The following NRG1 variants were observed in gnomAD, a reference collection of about 807,000 sequenced individuals.
NRG1 encodes pro-neuregulin-1, membrane-bound isoform.
Under a neutral mutation model 63.8 loss-of-function variants are expected in NRG1, and 18 were observed. The ratio of observed to expected loss-of-function variants is 0.28; its 90% CI spans 0.19 to 0.42. The LOEUF is 0.42. Among genes scored for constraint, NRG1 ranks in the 10% least tolerant of loss-of-function variants. The pLI, the probability that NRG1 is intolerant of heterozygous loss-of-function variation, is 1.00. For synonymous variants in NRG1, 302 were observed against 301.3 expected (o/e 1.00, Z -0.02); for missense variants, 762 against 814.7 (o/e 0.94, Z 0.79).
chr8:32,628,655 G>GA (rs143965414), intron 5 of NRG1, among the ~76,000 whole-genome samples: 2,041 of 151,092 alleles, frequency 0.014, 48 homozygotes, highest in African/African-American at 0.047. Context: ...TCAGCTTAGT[G>GA]AAAAAAATGA....
At chr8:31,959,965 G>GCTAC (rs1346015593) in intron 1 of NRG1, among the ~76,000 whole-genome samples, 7 of 152,008 alleles carry the variant, frequency 4.6e-5, no homozygotes, top group African/African-American at 1.7e-4. Flanking sequence ...CAGATGGGCA[G>GCTAC]CTACCATTTT....
intron 1 of NRG1, among the ~76,000 whole-genome samples, chr8:32,217,876 T>A (rs1845407719): frequency 6.6e-6 from 1 of 152,194 alleles, no homozygotes; most frequent in African/African-American, 2.4e-5. Flanking sequence ...GGCTCTGAAC[T>A]AAGTCTAAAA....
intron 1 of NRG1, among the ~76,000 whole-genome samples, chr8:32,285,491 AG>A (rs1172796039): frequency 6.6e-6 from 1 of 152,218 alleles, no homozygotes; most frequent in African/African-American, 2.4e-5. Context: ...AAGTTTTTGC[AG>A]CTATTGCTGG....
chr8:31,971,855 C>T (rs1319136355), intron 1 of NRG1, among the ~76,000 whole-genome samples: 3 of 152,098 alleles, frequency 2.0e-5, no homozygotes, highest in African/African-American at 7.2e-5. Context: ...CTTCACTTGT[C>T]ATCTCCTTTG....
intron 1 of NRG1, among the ~76,000 whole-genome samples, chr8:31,950,016 T>C (rs1036756115): frequency 1.3e-5 from 2 of 152,220 alleles, no homozygotes; most frequent in Non-Finnish European, 2.9e-5. Flanking sequence ...ATTTTCCCAC[T>C]TTTTCCTTCT....
At chr8:32,721,420 G>A (rs756957707) in intron 5 of NRG1, among the ~76,000 whole-genome samples, 15 of 152,106 alleles carry the variant, frequency 9.9e-5, no homozygotes, top group South Asian at 4.1e-4. Flanking sequence ...TGCTCCCAGC[G>A]TATTAGCTAA....
intron 1 of NRG1, among the ~76,000 whole-genome samples, chr8:32,379,009 C>T (rs944276647): frequency 5.3e-5 from 8 of 152,006 alleles, no homozygotes; most frequent in Non-Finnish European, 7.4e-5. Context: ...TTTCTTAATC[C>T]GGTCTATCAT....
intron 1 of NRG1, among the ~76,000 whole-genome samples, chr8:32,360,777 C>T (rs1055267235): frequency 3.3e-5 from 5 of 152,298 alleles, no homozygotes; most frequent in African/African-American, 1.2e-4. Context: ...CAGTTGCCCC[C>T]AGTTCCCTTA....
chr8:32,339,358 A>G (rs1803747868), intron 1 of NRG1, among the ~76,000 whole-genome samples: 1 of 152,152 alleles, frequency 6.6e-6, no homozygotes. Context: ...TCTCTTAGAT[A>G]TCTTGAAGTA....
chr8:31,697,255 T>C (rs975724006), intron 1 of NRG1, among the ~76,000 whole-genome samples: 17 of 152,212 alleles, frequency 1.1e-4, no homozygotes, highest in Non-Finnish European at 1.9e-4. Flanking sequence ...CCAATGATCC[T>C]ATAACTGCAT....
intron 1 of NRG1, among the ~76,000 whole-genome samples, chr8:31,784,429 A>C (rs1210589768): frequency 1.3e-5 from 2 of 152,190 alleles, no homozygotes; most frequent in Non-Finnish European, 2.9e-5. Context: ...CCTAGGGTAA[A>C]GATAAATGTA....
intron 1 of NRG1, among the ~76,000 whole-genome samples, chr8:31,759,408 T>A (rs1046051029): frequency 2.6e-5 from 4 of 152,068 alleles, no homozygotes; most frequent in Non-Finnish European, 4.4e-5. Flanking sequence ...CTCAAGTAAA[T>A]CTTCATGTAT....
At chr8:31,924,404 A>T (rs1295507979) in intron 1 of NRG1, among the ~76,000 whole-genome samples, 1 of 151,976 alleles carries the variant, frequency 6.6e-6, no homozygotes. Flanking sequence ...CTTCATTGAC[A>T]TAAAGTTACT....
intron 6 of NRG1, among the ~76,000 whole-genome samples, chr8:32,739,864 T>C (rs567800588): frequency 6.6e-6 from 1 of 152,318 alleles, no homozygotes; most frequent in African/African-American, 2.4e-5. Flanking sequence ...TACTATGTTC[T>C]TTTGTAAGAA....
At chr8:32,765,565 C>G (rs534955360) in exon 12 of NRG1, 6 of 152,268 alleles carry the variant, frequency 3.9e-5, no homozygotes, top group African/African-American at 1.4e-4. Flanking sequence ...CCCTTTCTCC[C>G]CCTTATTTTT....
chr8:32,570,458 G>A (rs1445320922), intron 1 of NRG1, among the ~76,000 whole-genome samples: 2 of 152,002 alleles, frequency 1.3e-5, no homozygotes, highest in African/African-American at 4.8e-5. Context: ...ATAAAACTCT[G>A]ACTTATATAT....
intron 1 of NRG1, among the ~76,000 whole-genome samples, chr8:31,730,886 G>A (rs1177192673): frequency 6.6e-6 from 1 of 152,068 alleles, no homozygotes; most frequent in East Asian, 1.9e-4. Flanking sequence ...ACATGAAGAA[G>A]CTTAGTATCT....
chr8:32,618,508 T>C (rs1347451618), intron 5 of NRG1, among the ~76,000 whole-genome samples: 1 of 152,220 alleles, frequency 6.6e-6, no homozygotes, highest in Non-Finnish European at 1.5e-5. Flanking sequence ...GAAATCTGAC[T>C]CCATTCCCTA....
In NRG1 at chr8:32,337,518, C is replaced by T. The variant is rs73582364; in HGVS notation, c.38-258310C>T. 2.2e-3 allele frequency among the ~76,000 whole-genome samples: 333 copies of T among 151,784 alleles called. 1 individual carries two copies. Among genetic ancestry groups the T allele is most frequent in the African/African-American group, 7.6e-3 (316 of 41,378 alleles). ...GAATTCAGACTTAAAATTCATGTGCCTTTGAATGGGGACCACATACATGTC... is the reference window on the plus strand; with the variant it reads ...GAATTCAGACTTAAAATTCATGTGCTTTTGAATGGGGACCACATACATGTC... On this transcript the variant is annotated intron_variant, in intron 1 of 10. Coordinates refer to the NRG1 transcript ENST00000519301.
Sources: gnomAD v4.1 joint callset for allele counts (sites outside exome capture counted in the v4.1 genomes callset) on GRCh38, gnomAD v4.1.1 for gene constraint, MANE v1.5 for transcripts, NCBI Gene and HGNC (gene_info 2026-07-23, HGNC 2026-07-21) for gene names.